MED12L: variants seen among roughly 807,000 people sequenced by gnomAD.
The protein encoded by MED12L is mediator complex subunit 12L.
MED12L carries 60 observed loss-of-function variants against 281.3 expected under a neutral mutation model. The observed-to-expected ratio is 0.21, with a 90% CI of 0.17 to 0.26. The LOEUF (loss-of-function observed/expected upper bound fraction) is 0.26. Among genes scored for constraint, MED12L ranks in the 10% least tolerant of loss-of-function variants. The pLI is 1.00. For missense variants in MED12L, 2,146 were observed against 2,680.9 expected (o/e 0.80, Z 4.41); for synonymous variants, 974 against 987.2 (o/e 0.99, Z 0.25).
At chr3:151,105,324 G>T (rs370864604) in intron 2 of MED12L, among the ~76,000 whole-genome samples, 1 of 152,088 alleles carries the variant, frequency 6.6e-6, no homozygotes, top group Middle Eastern at 3.2e-3. Context: ...CCCCATGTTT[G>T]CATCTCTCCT....
At chr3:151,364,110 G>C (rs1754984537) in intron 21 of MED12L, among the ~76,000 whole-genome samples, 1 of 152,124 alleles carries the variant, frequency 6.6e-6, no homozygotes, top group Non-Finnish European at 1.5e-5. Context: ...TGAGTAGAGA[G>C]AGTGAATGTT....
At chr3:151,266,298 A>G (rs1251938583) in intron 16 of MED12L, among the ~76,000 whole-genome samples, 3 of 152,240 alleles carry the variant, frequency 2.0e-5, no homozygotes, top group Non-Finnish European at 1.5e-5. Flanking sequence ...TATCAAAGCC[A>G]AAATGTTAAC....
At chr3:151,312,658 T>C (rs556444393) in intron 16 of MED12L, among the ~76,000 whole-genome samples, 53 of 152,316 alleles carry the variant, frequency 3.5e-4, no homozygotes, top group Non-Finnish European at 7.2e-4. Flanking sequence ...AGTCTAAGTG[T>C]CTATCTTGCT....
At chr3:151,140,899 G>A (rs1451596900) in intron 5 of MED12L, among the ~76,000 whole-genome samples, 2 of 151,594 alleles carry the variant, frequency 1.3e-5, no homozygotes, top group African/African-American at 4.9e-5. Context: ...AGGGAGTCTC[G>A]CTCTGTTGCC....
intron 5 of MED12L, among the ~76,000 whole-genome samples, chr3:151,141,178 G>GTTTTTTTTTTT (rs370095367): frequency 9.8e-5 from 10 of 102,188 alleles, no homozygotes; most frequent in African/African-American, 3.4e-4. Context: ...TTTTTTTTTT[G>GTTTTTTTTTTT]TTTTTTTTGT....
chr3:151,114,875 A>G (rs1039822815), intron 2 of MED12L, among the ~76,000 whole-genome samples: 1 of 152,096 alleles, frequency 6.6e-6, no homozygotes, highest in African/African-American at 2.4e-5. Flanking sequence ...TTGTAGGCAC[A>G]TATTTTTAGA....
intron 43 of MED12L, among the ~76,000 whole-genome samples, chr3:151,420,344 A>G (rs1560147024): frequency 6.6e-6 from 1 of 152,112 alleles, no homozygotes. Context: ...CCAGGTGGCA[A>G]TCTTAATTTC....
intron 26 of MED12L, among the ~76,000 whole-genome samples, chr3:151,370,877 G>A (rs555350160): frequency 6.6e-6 from 1 of 152,300 alleles, no homozygotes; most frequent in African/African-American, 2.4e-5. Flanking sequence ...ATGATTTGTA[G>A]GATTAGTCTA....
intron 27 of MED12L, 56 bp from the exon 28 acceptor site, chr3:151,375,970 C>T (rs866296447): frequency 6.1e-6 from 5 of 813,094 alleles, no homozygotes; most frequent in African/African-American, 3.7e-5. Flanking sequence ...GTACATATTG[C>T]ATATATATAT....
intron 16 of MED12L, among the ~76,000 whole-genome samples, chr3:151,226,746 C>T (rs16863264): frequency 0.31 from 47,494 of 152,024 alleles, 7,464 homozygotes; most frequent in Non-Finnish European, 0.33. Context: ...CCAGATACTG[C>T]GGCATAGAGA....
At chr3:151,312,584 G>GT (rs1747695954) in intron 16 of MED12L, among the ~76,000 whole-genome samples, 2 of 152,136 alleles carry the variant, frequency 1.3e-5, no homozygotes, top group Admixed American at 1.3e-4. Flanking sequence ...TCAAGAGACA[G>GT]TAATATCTTT....
intron 2 of MED12L, among the ~76,000 whole-genome samples, chr3:151,093,944 T>G (rs554737236): frequency 3.2e-4 from 48 of 152,218 alleles, no homozygotes; most frequent in Non-Finnish European, 6.5e-4. Context: ...AGATGAAATG[T>G]GATCCTTTAG....
At chr3:151,130,355 A>C (rs1430351853) in intron 5 of MED12L, among the ~76,000 whole-genome samples, 1 of 152,128 alleles carries the variant, frequency 6.6e-6, no homozygotes, top group Non-Finnish European at 1.5e-5. Flanking sequence ...CAATCTTGTC[A>C]TCTTTACTTT....
intron 3 of MED12L, among the ~76,000 whole-genome samples, chr3:151,117,825 T>C (rs1037827028): frequency 2.0e-5 from 3 of 152,170 alleles, no homozygotes; most frequent in Non-Finnish European, 4.4e-5. Flanking sequence ...GCGTGGTGGC[T>C]CACACTTGTA....
intron 16 of MED12L, among the ~76,000 whole-genome samples, chr3:151,285,608 C>T (rs1383001150): frequency 1.3e-5 from 2 of 151,622 alleles, no homozygotes; most frequent in African/African-American, 4.8e-5. Context: ...ATGGGTGCAC[C>T]AAAATCTCAA....
intron 17 of MED12L, among the ~76,000 whole-genome samples, chr3:151,351,033 G>A (rs1000878881): frequency 1.3e-5 from 2 of 152,140 alleles, no homozygotes; most frequent in Non-Finnish European, 2.9e-5. Flanking sequence ...AAGAAAGTTT[G>A]TGTTTACTCT....
At chr3:151,331,965 G>T (rs1210234364) in intron 16 of MED12L, among the ~76,000 whole-genome samples, 1 of 152,192 alleles carries the variant, frequency 6.6e-6, no homozygotes, top group African/African-American at 2.4e-5. Context: ...TTAAGCCATA[G>T]ATAGGGTGAC....
intron 16 of MED12L, among the ~76,000 whole-genome samples, chr3:151,311,946 C>A (rs1405300738): frequency 6.6e-6 from 1 of 152,116 alleles, no homozygotes; most frequent in African/African-American, 2.4e-5. Flanking sequence ...ATTGTTCGAA[C>A]CTGGGAGGCG....
intron 16 of MED12L, chr3:151,213,887 T>C (rs780791224): frequency 3.1e-6 from 5 of 1,613,854 alleles, no homozygotes; most frequent in Admixed American, 3.3e-5. Context: ...ATCCATACTA[T>C]CACTGACAGA....
Sources: allele counts gnomAD v4.1 joint callset (sites outside exome capture counted in the v4.1 genomes callset), GRCh38; gene constraint gnomAD v4.1.1; transcripts MANE v1.5; gene names NCBI Gene and HGNC (gene_info 2026-07-23, HGNC 2026-07-21).